Variants in CACUL1 observed in about 807,000 individuals in gnomAD.
CACUL1 encodes the protein CDK2 associated cullin domain 1.
Under a neutral mutation model 45.2 loss-of-function variants are expected in CACUL1, and 13 were observed. That is an observed-to-expected ratio of 0.29 (90% CI 0.19 to 0.46). The LOEUF is 0.46. Ranked by LOEUF, CACUL1 falls within the 20% of genes least tolerant of loss-of-function variation. The probability of loss-of-function intolerance (pLI) is 1.00; values close to 1 mark genes in which losing one functional copy is unlikely to be tolerated. For synonymous variants in CACUL1, 197 were observed against 174.2 expected, an observed-to-expected ratio of 1.13 and a Z score of -1.03; for missense variants, 421 against 471.4, an observed-to-expected ratio of 0.89 and a Z score of 0.99.
At chr10:118,738,915 A>T (rs1052286538) in intron 1 of CACUL1, among the ~76,000 whole-genome samples, 12 of 147,520 alleles carry the variant, frequency 8.1e-5, no homozygotes, top group African/African-American at 2.8e-4. Flanking sequence ...AAAAAAAAAA[A>T]GCCTGGGCGC....
rs1458395013 is a variant in CACUL1, at chr10:118,681,284, T to G, written c.*4844A>C. 1 of 152,258 alleles carries G rather than the reference T, an allele frequency of 6.6e-6. No individual in the cohort carries two copies. The highest frequency in any genetic ancestry group is 1.9e-4 in the East Asian group (1 of 5,202). The allele number at this position is 152,258 out of a possible 1,614,324, so 9.4% of individuals were successfully genotyped here. A position where few individuals can be genotyped will look rare whatever the true frequency, so the allele number is the denominator to read the frequency against. On this transcript the variant is annotated 3_prime_UTR_variant, in exon 9 of 9. Transcript: ENST00000369151. ...GTGCTAGTGAGTGGCAAAAGCCTCT[T>G]GCTCGTGCTTGCCCTCCAAATTTTT...
rs1223297411 is a variant in CACUL1 at position 118,754,730 on chromosome 10, G to A, written c.33C>T (p.Gly11=). 1.2e-6 allele frequency: 2 copies of A among 1,601,486 alleles called. No individual in the cohort carries two copies. Among genetic ancestry groups the A allele is most frequent in the Non-Finnish European group, 1.7e-6 (2 of 1,175,298 alleles). MEESMEEEEG[G]SYEAMMDDQN... The stretch of plus-strand genomic sequence containing the variant: ...GGTCGTCCATCATCGCCTCGTAGCT[G>A]CCCCCCTCCTCCTCTTCCATGCTTT... Residue 11 remains glycine, a synonymous_variant, in exon 1 of 9, where the codon GGC becomes GGT. Transcript: ENST00000369151.
At chr10:118,737,390 A>G (rs1349703651) in intron 1 of CACUL1, among the ~76,000 whole-genome samples, 1 of 152,198 alleles carries the variant, frequency 6.6e-6, no homozygotes, top group Non-Finnish European at 1.5e-5. Context: ...GATGACAACA[A>G]CCAGATGACA....
At chr10:118,745,662 T>C (rs924314122) in intron 1 of CACUL1, among the ~76,000 whole-genome samples, 2 of 152,196 alleles carry the variant, frequency 1.3e-5, no homozygotes, top group African/African-American at 4.8e-5. Flanking sequence ...CCCTACCATA[T>C]TGGTAACTAC....
chr10:118,745,817 TA>T (rs1016966725), intron 1 of CACUL1, among the ~76,000 whole-genome samples: 3 of 150,114 alleles, frequency 2.0e-5, no homozygotes, highest in Admixed American at 1.3e-4. Context: ...CAATAACCCT[TA>T]AAAAAAAACC....
At chr10:118,697,438 T>C (rs914491596) in intron 5 of CACUL1, among the ~76,000 whole-genome samples, 3 of 152,232 alleles carry the variant, frequency 2.0e-5, no homozygotes, top group Non-Finnish European at 4.4e-5. Context: ...CAATAAGCCG[T>C]ATAGTTTAAA....
At chr10:118,723,271 T>C (rs1295620801) in intron 3 of CACUL1, among the ~76,000 whole-genome samples, 1 of 152,218 alleles carries the variant, frequency 6.6e-6, no homozygotes, top group African/African-American at 2.4e-5. Flanking sequence ...TACTACAGAC[T>C]GTATCCTTGT....
At position 118,681,097 on chromosome 10, in the gene CACUL1, C is replaced by T. The variant is rs954654907; in HGVS notation, c.*5031G>A. 14 of 152,228 alleles carry T rather than the reference C, an allele frequency of 9.2e-5. No individual in the cohort carries two copies. The highest frequency in any genetic ancestry group is 3.4e-4 in the African/African-American group (14 of 41,452). 9.4% of individuals were successfully genotyped at this position (152,228 alleles called of 1,614,324 possible). A position where few individuals can be genotyped will look rare whatever the true frequency, so the allele number is the denominator to read the frequency against. ...CCACCAAAAGATCAAGAGCCAAAGT[C>T]AGTGGCTTTGTATCCCAGGTCAATA... On this transcript the variant is annotated 3_prime_UTR_variant, in exon 9 of 9. Coordinates refer to ENST00000369151, the MANE Select transcript of CACUL1 (RefSeq NM_153810.5).
chr10:118,701,862 TG>T (rs888115614), intron 4 of CACUL1, among the ~76,000 whole-genome samples: 2 of 152,162 alleles, frequency 1.3e-5, no homozygotes, highest in Admixed American at 1.3e-4. Flanking sequence ...TGGCATTCCC[TG>T]GGGACCACCT....
In CACUL1 at chr10:118,754,898, C is replaced by G; in HGVS notation, c.-136G>C. The G allele has an allele frequency of 2.4e-6, 3 of 1,247,610 alleles. No individual in the cohort carries two copies. Among genetic ancestry groups the G allele is most frequent in the Non-Finnish European group, 3.3e-6 (3 of 920,052 alleles). The allele number at this position is 1,247,610 out of a possible 1,614,324, so 77.3% of individuals were successfully genotyped here. A position where few individuals can be genotyped will look rare whatever the true frequency, so the allele number is the denominator to read the frequency against. ...GCGCAGCGGAGAGGGCTGCGGTGCGCAGGGTCTCTCGCTCTCCGCGGGGCC... is the reference window on the plus strand; with the variant it reads ...GCGCAGCGGAGAGGGCTGCGGTGCGGAGGGTCTCTCGCTCTCCGCGGGGCC... On this transcript the variant is annotated 5_prime_UTR_variant, in exon 1 of 9. Transcript: ENST00000369151.
At chr10:118,751,645 A>G (rs1845898928) in intron 1 of CACUL1, among the ~76,000 whole-genome samples, 1 of 152,160 alleles carries the variant, frequency 6.6e-6, no homozygotes, top group Non-Finnish European at 1.5e-5. Context: ...CCCATCCCCA[A>G]ACAAATCTTT....
In CACUL1 at chr10:118,688,425, A is replaced by C. The variant is rs979176247; in HGVS notation, c.1026-1784T>G. Among the ~76,000 whole-genome samples, 3 of 152,372 alleles carry C rather than the reference A, an allele frequency of 2.0e-5. No individual in the cohort carries two copies. In the South Asian group the frequency reaches 6.2e-4, roughly 32 times the overall value. On this transcript the variant is annotated intron_variant, in intron 7 of 8. Coordinates refer to ENST00000369151, the MANE Select transcript of CACUL1 (RefSeq NM_153810.5). ...ATATCTGGAACCTCGACTTATAGAC[A>C]CAACCTTCATTTCCATTCCTCAAAG... is the stretch of plus-strand genomic sequence containing the variant.
At position 118,754,512 on chromosome 10, in the gene CACUL1, G is replaced by C; in HGVS notation, c.251C>G (p.Ala84Gly). ...LPMGPQPPPE[A>G]NGVIMMLKSC... The stretch of plus-strand genomic sequence containing the variant: ...CTTCAACATCATGATCACCCCATTA[G>C]CCTCCGGCGGTGGCTGCGGCCCCAT... Residue 84 changes from alanine (A) to glycine (G), a missense_variant, in exon 1 of 9, where the codon GCT becomes GGT. By Grantham distance (60) the Ala-to-Gly change is moderately conservative. Transcript: ENST00000369151. The C allele has an allele frequency of 1.2e-6, 2 of 1,613,344 alleles. No homozygotes were observed. Among genetic ancestry groups the C allele is most frequent in the Non-Finnish European group, 1.7e-6 (2 of 1,179,658 alleles).
At chr10:118,725,921 T>C (rs1564835747) in intron 3 of CACUL1, among the ~76,000 whole-genome samples, 2 of 152,256 alleles carry the variant, frequency 1.3e-5, no homozygotes, top group South Asian at 2.1e-4. Context: ...GGGATAAAAA[T>C]AAATAAGTCC....
rs1238343137 is a variant in CACUL1 at position 118,679,510 on chromosome 10, C to G, written c.*6618G>C. ...ACATTACAGGCAAGAGCCACTGTGC[C>G]AGGCCCAACTTTTTTTGTTTTTTGC... On this transcript the variant is annotated 3_prime_UTR_variant, in exon 9 of 9. Transcript: ENST00000369151. 6.6e-6 allele frequency: 1 copy of G among 151,196 alleles called. No individual in the cohort carries two copies. The highest frequency in any genetic ancestry group is 2.0e-4 in the East Asian group (1 of 5,102). 9.4% of individuals were successfully genotyped at this position (151,196 alleles called of 1,614,324 possible). A position where few individuals can be genotyped will look rare whatever the true frequency, so the allele number is the denominator to read the frequency against.
Position 118,682,256 on chromosome 10 carries a change from C to T in CACUL1, c.*3872G>A, listed in dbSNP as rs1845160091. The T allele has an allele frequency of 1.3e-5, 2 of 152,294 alleles. No individual in the cohort carries two copies. 9.4% of individuals were successfully genotyped at this position (152,294 alleles called of 1,614,324 possible). ...GTTGTTTTGCTTTTTAGTTGCAAAGCTTTTCAGTATCTCAGATTAGTGTAT... is the reference window on the plus strand; with the variant it reads ...GTTGTTTTGCTTTTTAGTTGCAAAGTTTTTCAGTATCTCAGATTAGTGTAT... On this transcript the variant is annotated 3_prime_UTR_variant, in exon 9 of 9. Coordinates refer to ENST00000369151, the MANE Select transcript of CACUL1 (RefSeq NM_153810.5).
At chr10:118,710,552 C>CCAT (rs1233826431) in intron 3 of CACUL1, among the ~76,000 whole-genome samples, 2 of 152,162 alleles carry the variant, frequency 1.3e-5, no homozygotes, top group African/African-American at 4.8e-5. Context: ...TTCTACCTAA[C>CCAT]CATCTCTCTC....
chr10:118,701,188 T>C (rs1309688520), intron 5 of CACUL1, 118 bp downstream of exon 5: 1 of 521,934 alleles, frequency 1.9e-6, no homozygotes, highest in Non-Finnish European at 3.3e-6. Flanking sequence ...CTTCCTGCTA[T>C]CTGGTTCAGA....
chr10:118,724,668 A>G (rs1845635962), intron 3 of CACUL1, among the ~76,000 whole-genome samples: 1 of 152,234 alleles, frequency 6.6e-6, no homozygotes, highest in South Asian at 2.1e-4. Context: ...GCAGGAAGAC[A>G]AACCAATTAA....
Sources: allele counts gnomAD v4.1 joint callset (sites outside exome capture counted in the v4.1 genomes callset), GRCh38; gene constraint gnomAD v4.1.1; transcripts MANE v1.5; gene names NCBI Gene and HGNC (gene_info 2026-07-23, HGNC 2026-07-21).